Variants in PCDHGA3 observed in about 807,000 individuals in gnomAD.
The protein encoded by PCDHGA3 is protocadherin gamma subfamily A, 3.
Under a neutral mutation model 58.5 loss-of-function variants are expected in PCDHGA3, and 40 were observed. The observed-to-expected ratio is 0.68, with a 90% CI of 0.53 to 0.89. The LOEUF (loss-of-function observed/expected upper bound fraction) is 0.89, where lower values mean the gene tolerates loss of function less well. Among genes scored for constraint, PCDHGA3 ranks in the 40% least tolerant of loss-of-function variants. PCDHGA3 has a pLI of 0.00. For synonymous variants in PCDHGA3, 530 were observed against 525.7 expected (o/e 1.01, Z -0.11); for missense variants, 1,223 against 1,195.9 (o/e 1.02, Z -0.33).
Position 141,432,059 on chromosome 5 carries a change from A to T in PCDHGA3, c.2425-62748A>T. On this transcript the variant is annotated intron_variant, in intron 1 of 3. Transcript: ENST00000253812. This position sits in a 1 kb window ranked among gnomAD's most constrained non-coding sequence, Gnocchi z 6.0. ...TGACCGGGGAACCCCGCCCCTATCC[A>T]CGGAAACTCATATCTCGCTGAACGT... The T allele has an allele frequency of 6.2e-7, 1 of 1,614,170 alleles. No homozygotes were observed. Among genetic ancestry groups the T allele is most frequent in the Non-Finnish European group, 8.5e-7 (1 of 1,180,030 alleles).
chr5:141,471,846 T>C (rs2099265433), intron 1 of PCDHGA3, among the ~76,000 whole-genome samples: 1 of 152,180 alleles, frequency 6.6e-6, no homozygotes. Context: ...AATAAAATAT[T>C]CAGAAAAAGC....
At chr5:141,389,860 ACC>A (rs2091950057) in intron 1 of PCDHGA3, 1 of 1,613,934 alleles carries the variant, frequency 6.2e-7, no homozygotes, top group Non-Finnish European at 8.5e-7. Context: ...GCCACGTTGC[ACC>A]TGGTCTTCGC....
At chr5:141,406,043 A>G (rs1346440934) in intron 1 of PCDHGA3, among the ~76,000 whole-genome samples, 3 of 150,174 alleles carry the variant, frequency 2.0e-5, no homozygotes, top group East Asian at 3.9e-4. Context: ...CATTGGTTGC[A>G]GTGGACTCAT....
At chr5:141,402,826 G>A (rs776479870) in intron 1 of PCDHGA3, 37 of 1,328,842 alleles carry the variant, frequency 2.8e-5, no homozygotes, top group Middle Eastern at 2.7e-4. Flanking sequence ...CCTGCTCCCA[G>A]GCTGCAGCAA....
chr5:141,389,234 C>A, intron 1 of PCDHGA3: 2 of 1,614,076 alleles, frequency 1.2e-6, no homozygotes, highest in Non-Finnish European at 1.7e-6. Context: ...CTCCGGTTTT[C>A]TCACAGTCTT....
chr5:141,485,060 G>C lies in PCDHGA3; in HGVS notation c.2425-9747G>C. ...ACCCTTGCGGCGCCGGCCGAACCGCGCCAGAGCTGGCGCGGGGAAAGGGAG... is the reference window on the plus strand; with the variant it reads ...ACCCTTGCGGCGCCGGCCGAACCGCCCCAGAGCTGGCGCGGGGAAAGGGAG... On this transcript the variant is annotated intron_variant, in intron 1 of 3. Transcript: ENST00000253812. This position sits in a 1 kb window ranked among gnomAD's most constrained non-coding sequence, Gnocchi z 5.7. 1 of 862,304 alleles carries C rather than the reference G, an allele frequency of 1.2e-6. No individual in the cohort carries two copies. The highest frequency in any genetic ancestry group is 1.9e-6 in the Non-Finnish European group (1 of 540,422). 53.4% of individuals were successfully genotyped at this position (862,304 alleles called of 1,614,324 possible).
intron 1 of PCDHGA3, among the ~76,000 whole-genome samples, chr5:141,464,261 T>TC (rs2099079163): frequency 1.5e-5 from 2 of 137,096 alleles, no homozygotes; most frequent in African/African-American, 2.9e-5. Flanking sequence ...CGAGACTCCG[T>TC]CTAAAAAAAA....
At chr5:141,401,076 G>T (rs1589429931) in intron 1 of PCDHGA3, among the ~76,000 whole-genome samples, 1 of 152,174 alleles carries the variant, frequency 6.6e-6, no homozygotes, top group Non-Finnish European at 1.5e-5. Context: ...GGGTGCAGTG[G>T]CTCATGCCTG....
At position 141,366,001 on chromosome 5, in the gene PCDHGA3, C is replaced by T. The variant is rs367829732; in HGVS notation, c.2424+19544C>T. ...GCCTGTTTGTGCTGGACCAGAACGA[C>T]AATACGCCTGAGATCCTGTACCCCG... On this transcript the variant is annotated intron_variant, in intron 1 of 3. Transcript: ENST00000253812. 1.4e-5 allele frequency: 22 copies of T among 1,614,272 alleles called. No individual in the cohort carries two copies. The Admixed American group carries it at 1.8e-4, about 13-fold the overall frequency.
At chr5:141,376,494 C>G (rs1343101587) in intron 1 of PCDHGA3, 12 of 1,614,004 alleles carry the variant, frequency 7.4e-6, no homozygotes, top group Non-Finnish European at 1.0e-5. Context: ...AAAGGAGAAC[C>G]CAGGCAACTT....
At chr5:141,478,333 G>C in intron 1 of PCDHGA3, 5 of 1,613,928 alleles carry the variant, frequency 3.1e-6, no homozygotes, top group Non-Finnish European at 4.2e-6. Flanking sequence ...GAACACCAGG[G>C]CCCTCCTTGC....
Position 141,345,267 on chromosome 5 carries a change from C to T in PCDHGA3, c.1234C>T (p.Arg412Cys), listed in dbSNP as rs770576379. Residue 412 changes from arginine to cysteine, a missense_variant, in exon 1 of 4, where the codon CGC becomes TGC. By Grantham distance (180) the Arg-to-Cys change is radical. Transcript: ENST00000253812. The stretch of plus-strand genomic sequence containing the variant: ...CTTAGTGACGGCCACATCCCTGGAC[C>T]GCGAACAAATATCAGAATATAACAT... The part of the protein sequence containing the change: ...YRLVTATSLD[R>C]EQISEYNISL... 3.1e-6 allele frequency: 5 copies of T among 1,613,882 alleles called. No homozygotes were observed. The highest frequency in any genetic ancestry group is 1.3e-5 in the African/African-American group (1 of 74,994).
At chr5:141,463,417 G>A (rs548514637) in intron 1 of PCDHGA3, among the ~76,000 whole-genome samples, 1 of 146,650 alleles carries the variant, frequency 6.8e-6, no homozygotes, top group South Asian at 2.2e-4. Context: ...ATCCTAGTTT[G>A]CGGATCCTCA....
chr5:141,364,822 G>GA, intron 1 of PCDHGA3: 1 of 1,614,010 alleles, frequency 6.2e-7, no homozygotes, highest in Non-Finnish European at 8.5e-7. Flanking sequence ...ATGTGGGTGT[G>GA]AACTCTCTCC....
rs2099884522 is a variant in PCDHGA3, at chr5:141,512,941, T to C, written c.*1768T>C. On this transcript the variant is annotated 3_prime_UTR_variant, in exon 4 of 4. Transcript: ENST00000253812. ...CTAATATTTATATGGCTTTTTTTCT[T>C]CGACAAAAAAATAATAAAACGTTTC... The C allele has an allele frequency of 6.6e-6, 1 of 151,892 alleles. No individual in the cohort carries two copies. The highest frequency in any genetic ancestry group is 6.6e-5 in the Admixed American group (1 of 15,236). The allele number at this position is 151,892 out of a possible 1,614,324, so 9.4% of individuals were successfully genotyped here.
chr5:141,357,918 G>A (rs953225930), intron 1 of PCDHGA3, among the ~76,000 whole-genome samples: 1 of 152,172 alleles, frequency 6.6e-6, no homozygotes, highest in Non-Finnish European at 1.5e-5. Flanking sequence ...TGCTGGGTGT[G>A]GTGGCTCACA....
chr5:141,345,920 G>C lies in PCDHGA3; in HGVS notation c.1887G>C (p.Ala629=). The part of the protein sequence containing the change: ...VGLHTGEVRT[A]RALLDRDALK... ...TGCACACGGGCGAGGTGCGCACGGC[G>C]CGAGCCCTGCTGGACAGAGACGCGC... The change falls in exon 1 of 4, where the codon GCG becomes GCC. Residue 629 remains alanine (A), a synonymous_variant. Transcript: ENST00000253812. 6.2e-7 allele frequency: 1 copy of C among 1,613,376 alleles called. No homozygotes were observed. The highest frequency in any genetic ancestry group is 8.5e-7 in the Non-Finnish European group (1 of 1,179,846).
Position 141,477,044 on chromosome 5 carries a change from C to T in PCDHGA3, c.2425-17763C>T, listed in dbSNP as rs750525889. ...CGGGATGCTGACAATCAAGGGTCGG[C>T]TGGACTTCGAGGACACCAAACTCCA... On this transcript the variant is annotated intron_variant, in intron 1 of 3. Coordinates refer to ENST00000253812, the MANE Select transcript of PCDHGA3 (RefSeq NM_018916.4). The surrounding 1 kb of genome is among the most constrained non-coding windows in gnomAD (Gnocchi z 4.9). 6.2e-7 allele frequency: 1 copy of T among 1,614,246 alleles called. No individual in the cohort carries two copies. Among genetic ancestry groups the T allele is most frequent in the Non-Finnish European group, 8.5e-7 (1 of 1,180,034 alleles).
At position 141,344,130 on chromosome 5, in the gene PCDHGA3, T is replaced by A. The variant is rs773448706; in HGVS notation, c.97T>A (p.Tyr33Asn). The A allele has an allele frequency of 6.2e-7, 1 of 1,614,060 alleles. No homozygotes were observed. The highest frequency in any genetic ancestry group is 1.1e-5 in the South Asian group (1 of 91,084). ...CGAAACAGGATCCGGTCAGATCCGC[T>A]ACTCGGTGTCTGAGGAGCTAGATAA... ...LCETGSGQIR[Y>N]SVSEELDKGS... is the part of the protein sequence containing the mutation. The change falls in exon 1 of 4, where the codon TAC (tyrosine) becomes AAC (asparagine). Residue 33 changes from tyrosine to asparagine, a missense_variant. Tyr to Asn is a moderately radical substitution (Grantham distance 143). Coordinates refer to ENST00000253812, the MANE Select transcript of PCDHGA3 (RefSeq NM_018916.4).
Sources: allele counts gnomAD v4.1 joint callset (sites outside exome capture counted in the v4.1 genomes callset), GRCh38; gene constraint gnomAD v4.1.1; non-coding constraint Gnocchi (gnomAD v3.1); transcripts MANE v1.5; gene names NCBI Gene and HGNC (gene_info 2026-07-23, HGNC 2026-07-21).